ADARB1: variants seen among roughly 807,000 people sequenced by gnomAD.
ADARB1 encodes the protein double-stranded RNA-specific editase 1.
A neutral mutation model predicts 52.4 loss-of-function variants in ADARB1; 10 were observed. The ratio of observed to expected loss-of-function variants is 0.19; its 90% CI spans 0.12 to 0.32. The LOEUF (loss-of-function observed/expected upper bound fraction) is 0.32. Ranked by LOEUF, ADARB1 falls within the 10% of genes least tolerant of loss-of-function variation. ADARB1 has a pLI of 1.00. For missense variants in ADARB1, 643 were observed against 922.3 expected (o/e 0.70, Z 3.92); for synonymous variants, 349 against 371.1 (o/e 0.94, Z 0.68).
At chr21:45,202,287 T>C (rs1215104242) in intron 8 of ADARB1, among the ~76,000 whole-genome samples, 2 of 152,144 alleles carry the variant, frequency 1.3e-5, no homozygotes, top group African/African-American at 2.4e-5. Context: ...GGTGATCTGC[T>C]GATGACTGCT....
In ADARB1 at chr21:45,142,851, G is replaced by A. The variant is rs982562564; in HGVS notation, c.-48+14278G>A. On this transcript the variant is annotated intron_variant, in intron 2 of 10. Coordinates refer to ENST00000348831, the MANE Select transcript of ADARB1 (RefSeq NM_001112.4). The surrounding 1 kb of genome is among the most constrained non-coding windows in gnomAD (Gnocchi z 4.0). ...TGCCTACGGCCCTTGGCTAATAGAAGAGGGAGCAGGGCTTTGACCAGGGGG... is the reference window on the plus strand; with the variant it reads ...TGCCTACGGCCCTTGGCTAATAGAAAAGGGAGCAGGGCTTTGACCAGGGGG... Among the ~76,000 whole-genome samples the A allele has an allele frequency of 1.3e-5, 2 of 152,198 alleles. No individual in the cohort carries two copies. Among genetic ancestry groups the A allele is most frequent in the Non-Finnish European group, 2.9e-5 (2 of 68,032 alleles).
rs931519485 is a variant in ADARB1, at chr21:45,223,142, G to T, written c.*945G>T. On this transcript the variant is annotated 3_prime_UTR_variant, in exon 11 of 11. Transcript: ENST00000348831. Reference sequence around the variant, plus strand: ...TCTGTTCCTTCCTCTGAATCGAATGGATGTGGGTGACCGCCCGAAGGCCTT... The same window carrying T: ...TCTGTTCCTTCCTCTGAATCGAATGTATGTGGGTGACCGCCCGAAGGCCTT... The T allele has an allele frequency of 2.0e-6, 2 of 985,350 alleles. No individual in the cohort carries two copies. Among genetic ancestry groups the T allele is most frequent in the African/African-American group, 3.5e-5 (2 of 57,238 alleles). 61.0% of individuals were successfully genotyped at this position (985,350 alleles called of 1,614,324 possible).
At chr21:45,094,137 G>A (rs1202864239) in intron 1 of ADARB1, among the ~76,000 whole-genome samples, 1 of 152,014 alleles carries the variant, frequency 6.6e-6, no homozygotes, top group Non-Finnish European at 1.5e-5. Flanking sequence ...AAAAAGTGAG[G>A]GTCTTTTGAG....
At chr21:45,173,720 C>G (rs2146131285) in intron 3 of ADARB1, among the ~76,000 whole-genome samples, 1 of 150,672 alleles carries the variant, frequency 6.6e-6, no homozygotes, top group East Asian at 1.9e-4. Flanking sequence ...TCCATCTTGG[C>G]TCTATTTTTT....
At position 45,225,552 on chromosome 21, in the gene ADARB1, C is replaced by G. The variant is rs368699178; in HGVS notation, c.*3355C>G. On this transcript the variant is annotated 3_prime_UTR_variant, in exon 11 of 11. Coordinates refer to ENST00000348831, the MANE Select transcript of ADARB1 (RefSeq NM_001112.4). ...CTCCTTGTAATCTCACACAGGTACA[C>G]TGAGGAGGGGACGGCTCCGTCTTCA... The G allele has an allele frequency of 3.0e-6, 4 of 1,340,632 alleles. No individual in the cohort carries two copies. The highest frequency in any genetic ancestry group is 1.5e-5 in the African/African-American group (1 of 66,924). 83.0% of individuals were successfully genotyped at this position (1,340,632 alleles called of 1,614,324 possible).
At chr21:45,134,833 G>A (rs766263095) in intron 2 of ADARB1, 1 of 534,170 alleles carries the variant, frequency 1.9e-6, no homozygotes. Flanking sequence ...TGCCAGCCAG[G>A]TCAGTGGGTG....
At chr21:45,149,954 G>A (rs2090200587) in intron 2 of ADARB1, among the ~76,000 whole-genome samples, 1 of 152,176 alleles carries the variant, frequency 6.6e-6, no homozygotes, top group Admixed American at 6.5e-5. Flanking sequence ...TACAGAAAAT[G>A]TTTGCTACCA....
At chr21:45,171,853 T>A (rs2091494619) in intron 3 of ADARB1, 169 bp downstream of exon 3, 2 of 614,526 alleles carry the variant, frequency 3.3e-6, no homozygotes, top group African/African-American at 1.9e-5. Flanking sequence ...CTGCAACAGG[T>A]GTCAGAATTT....
chr21:45,150,234 G>A (rs184378733), intron 2 of ADARB1, among the ~76,000 whole-genome samples: 6 of 152,248 alleles, frequency 3.9e-5, no homozygotes, highest in East Asian at 1.9e-4. Flanking sequence ...AGATCCTGCC[G>A]CTGCATTCCA....
At chr21:45,095,123 A>C (rs1310595400) in intron 1 of ADARB1, among the ~76,000 whole-genome samples, 1 of 152,240 alleles carries the variant, frequency 6.6e-6, no homozygotes, top group Non-Finnish European at 1.5e-5. Flanking sequence ...TCAGTGTCTC[A>C]ACAGGACTGT....
intron 8 of ADARB1, among the ~76,000 whole-genome samples, chr21:45,191,560 T>G (rs1316841555): frequency 6.6e-6 from 1 of 152,168 alleles, no homozygotes; most frequent in Non-Finnish European, 1.5e-5. Context: ...AATTAATAGA[T>G]TTCCTGATGT....
chr21:45,106,053 C>T (rs539815498), intron 1 of ADARB1, among the ~76,000 whole-genome samples: 6 of 152,296 alleles, frequency 3.9e-5, no homozygotes, highest in Admixed American at 6.5e-5. Flanking sequence ...GATGTCATGT[C>T]GTGTTTTAGG....
chr21:45,196,327 C>G (rs1054975403), intron 8 of ADARB1, among the ~76,000 whole-genome samples: 1 of 151,038 alleles, frequency 6.6e-6, no homozygotes, highest in African/African-American at 2.4e-5. Flanking sequence ...ATCAAGCAAC[C>G]AAACAAATGG....
At chr21:45,103,930 TTC>T (rs2087134441) in intron 1 of ADARB1, among the ~76,000 whole-genome samples, 1 of 152,234 alleles carries the variant, frequency 6.6e-6, no homozygotes, top group African/African-American at 2.4e-5. Context: ...TTTCTTTGAT[TTC>T]TTAACTCTGT....
chr21:45,189,107 C>T (rs976289230), intron 8 of ADARB1, among the ~76,000 whole-genome samples: 4 of 152,134 alleles, frequency 2.6e-5, no homozygotes, highest in South Asian at 2.1e-4. Flanking sequence ...TGGGTCCCTC[C>T]GACAATACAT....
rs2092715764 is a variant in ADARB1 at position 45,208,804 on chromosome 21, G to A, written c.1747+4068G>A. On this transcript the variant is annotated intron_variant, in intron 9 of 10. Transcript: ENST00000348831. The surrounding 1 kb of genome is among the most constrained non-coding windows in gnomAD (Gnocchi z 5.6). ...GTTGTGGGAAAGAGGTGTCAGTAATGTGAGTTTCCTCCTTGCCCTGGTTTC... is the reference window on the plus strand; with the variant it reads ...GTTGTGGGAAAGAGGTGTCAGTAATATGAGTTTCCTCCTTGCCCTGGTTTC... Among the ~76,000 whole-genome samples, 1 of 152,144 alleles carries A rather than the reference G, an allele frequency of 6.6e-6. No homozygotes were observed. Among genetic ancestry groups the A allele is most frequent in the Non-Finnish European group, 1.5e-5 (1 of 68,022 alleles).
chr21:45,217,819 C>T (rs890648016), intron 9 of ADARB1, among the ~76,000 whole-genome samples: 4 of 152,112 alleles, frequency 2.6e-5, no homozygotes, highest in Admixed American at 6.5e-5. Flanking sequence ...GTATATTTTG[C>T]TGTACAAATA....
chr21:45,140,104 C>T (rs909015069), intron 2 of ADARB1, among the ~76,000 whole-genome samples: 14 of 152,060 alleles, frequency 9.2e-5, no homozygotes, highest in Middle Eastern at 3.4e-3. Flanking sequence ...CCACCATGCC[C>T]GGCTAATTTT....
In ADARB1 at chr21:45,175,809, C is replaced by T. The variant is rs919946042; in HGVS notation, c.108C>T (p.Gly36=). Residue 36 remains glycine (G), a synonymous_variant, in exon 4 of 11, where the codon GGC becomes GGT. Transcript: ENST00000348831. The part of the protein sequence containing the change: ...SPKDGSTPGP[G]EGSQLSNGGG... Reference sequence around the variant, plus strand: ...AGGATGGCAGCACACCTGGGCCTGGCGAGGGCTCTCAGCTCTCCAATGGGG... The same window carrying T: ...AGGATGGCAGCACACCTGGGCCTGGTGAGGGCTCTCAGCTCTCCAATGGGG... 14 of 1,614,026 alleles carry T rather than the reference C, an allele frequency of 8.7e-6. No individual in the cohort carries two copies. The highest frequency in any genetic ancestry group is 4.0e-5 in the African/African-American group (3 of 74,910).
Sources: allele counts gnomAD v4.1 joint callset (sites outside exome capture counted in the v4.1 genomes callset), GRCh38; gene constraint gnomAD v4.1.1; non-coding constraint Gnocchi (gnomAD v3.1); transcripts MANE v1.5; gene names NCBI Gene and HGNC (gene_info 2026-07-23, HGNC 2026-07-21).